Variants in MACROD1 observed in about 807,000 individuals in gnomAD.
MACROD1 encodes the protein ADP-ribose glycohydrolase MACROD1.
MACROD1 carries 31 observed loss-of-function variants against 41.4 expected under a neutral mutation model. The ratio of observed to expected loss-of-function variants is 0.75; its 90% CI spans 0.56 to 1.01. The LOEUF (loss-of-function observed/expected upper bound fraction) is 1.01, where lower values mean the gene tolerates loss of function less well. MACROD1 is among the 50% of genes least tolerant of loss of function. MACROD1 has a pLI of 0.00. For synonymous variants in MACROD1, 252 were observed against 203.4 expected, an observed-to-expected ratio of 1.24 and a Z score of -2.03; for missense variants, 473 against 460.0, an observed-to-expected ratio of 1.03 and a Z score of -0.26.
chr11:64,106,487 A>AG (rs1944765449), intron 3 of MACROD1, among the ~76,000 whole-genome samples: 1 of 152,198 alleles, frequency 6.6e-6, no homozygotes, highest in Non-Finnish European at 1.5e-5. Flanking sequence ...TTACATTCTA[A>AG]GGGGAGGAGA....
chr11:64,039,298 G>A (rs1040740266), intron 3 of MACROD1, among the ~76,000 whole-genome samples: 2 of 152,154 alleles, frequency 1.3e-5, no homozygotes, highest in Admixed American at 1.3e-4. Flanking sequence ...GGACTGCCCC[G>A]GGGGTAGCTT....
chr11:64,146,706 C>T lies in MACROD1; in HGVS notation c.517+4533G>A, dbSNP rs1945500700. Among the ~76,000 whole-genome samples, 1 of 151,924 alleles carries T rather than the reference C, an allele frequency of 6.6e-6. No homozygotes were observed. Among genetic ancestry groups the T allele is most frequent in the African/African-American group, 2.4e-5 (1 of 41,348 alleles). ...CAAACACACATCACACCACACACACCCTCCATCACCCACACCCCATGCATC... is the reference window on the plus strand; with the variant it reads ...CAAACACACATCACACCACACACACTCTCCATCACCCACACCCCATGCATC... On this transcript the variant is annotated intron_variant, in intron 3 of 10. Coordinates refer to ENST00000255681, the MANE Select transcript of MACROD1 (RefSeq NM_014067.4). The surrounding 1 kb of genome is among the most constrained non-coding windows in gnomAD (Gnocchi z 4.7).
At chr11:64,158,433 A>T (rs1015986259) in intron 1 of MACROD1, among the ~76,000 whole-genome samples, 1 of 152,114 alleles carries the variant, frequency 6.6e-6, no homozygotes, top group African/African-American at 2.4e-5. Flanking sequence ...TAGGAGAGAC[A>T]AGGTCTGGAT....
chr11:63,999,381 C>T lies in MACROD1; in HGVS notation c.841G>A (p.Glu281Lys), dbSNP rs1476322447. The T allele has an allele frequency of 1.0e-5, 16 of 1,591,560 alleles. No homozygotes were observed. The highest frequency in any genetic ancestry group is 1.3e-5 in the African/African-American group (1 of 74,780). The change falls in exon 8 of 11, where the codon GAG (glutamate) becomes AAG (lysine). Residue 281 changes from glutamate (E) to lysine (K), a missense_variant. By Grantham distance (56) the Glu-to-Lys change is moderately conservative (BLOSUM62 1). Coordinates refer to ENST00000255681, the MANE Select transcript of MACROD1 (RefSeq NM_014067.4). ...TCTCGCAGCGTGGCCAGCACGATCT[C>T]GGCGGCCGCCTCACAGGGGTAGCCT... ...VFGYPCEAAAEIVLATLREWL... is the reference protein window; with the variant it reads ...VFGYPCEAAAKIVLATLREWL...
chr11:64,143,743 GACACACACATACACACACACACAC>G (rs1410092969), intron 3 of MACROD1, among the ~76,000 whole-genome samples: 2 of 71,484 alleles, frequency 2.8e-5, no homozygotes, highest in Non-Finnish European at 5.1e-5. Context: ...CCCCAACCCC[GACACACACATACACACACACACAC>G]ACACACACAC....
intron 1 of MACROD1, among the ~76,000 whole-genome samples, chr11:64,159,742 C>T (rs1043608788): frequency 6.6e-5 from 10 of 151,872 alleles, no homozygotes; most frequent in African/African-American, 2.4e-4. Flanking sequence ...TGTGGTGAGC[C>T]GAGATTGCGC....
At chr11:64,010,080 AGGGTGTTGGTTG>A (rs1252760765) in intron 4 of MACROD1, among the ~76,000 whole-genome samples, 47 of 8,396 alleles carry the variant, frequency 5.6e-3, no homozygotes, top group South Asian at 0.034. Context: ...GGTGTTGCCC[AGGGTGTTGGTTG>A]GGGTGTTGGT....
intron 1 of MACROD1, among the ~76,000 whole-genome samples, chr11:64,153,289 C>G (rs936249200): frequency 6.6e-6 from 1 of 152,226 alleles, no homozygotes; most frequent in Non-Finnish European, 1.5e-5. Flanking sequence ...CTCAGCCCAG[C>G]CTGGCACCCT....
rs530699212 is a variant in MACROD1, at chr11:64,118,112, C to T, written c.517+33127G>A. The T allele has an allele frequency of 6.0e-5, 96 of 1,611,370 alleles. 1 individual carries two copies. In the South Asian group the frequency reaches 7.3e-4, roughly 12 times the overall value. On this transcript the variant is annotated intron_variant, in intron 3 of 10. Transcript: ENST00000255681. Reference sequence around the variant, plus strand: ...AGGATAACTCCATCCTGGAAATCCGCGGCCCTGGGCTGCAGATGCTGCCCA... The same window carrying T: ...AGGATAACTCCATCCTGGAAATCCGTGGCCCTGGGCTGCAGATGCTGCCCA...
chr11:64,038,256 G>C (rs1943420080), intron 3 of MACROD1, among the ~76,000 whole-genome samples: 1 of 152,226 alleles, frequency 6.6e-6, no homozygotes, highest in African/African-American at 2.4e-5. Flanking sequence ...TGGTGGCTGA[G>C]CCTGTGTCGC....
intron 4 of MACROD1, among the ~76,000 whole-genome samples, chr11:64,005,196 GTTTTTGTAT>G (rs1225946068): frequency 3.9e-5 from 6 of 152,048 alleles, no homozygotes; most frequent in Non-Finnish European, 8.8e-5. Flanking sequence ...TGCCTGGCTA[GTTTTTGTAT>G]TTTTAGTAGA....
chr11:64,128,353 A>G (rs1190126447), intron 3 of MACROD1, among the ~76,000 whole-genome samples: 2 of 152,090 alleles, frequency 1.3e-5, no homozygotes, highest in Non-Finnish European at 2.9e-5. Flanking sequence ...GCCAGCCAGG[A>G]GATATTGACT....
At chr11:64,050,212 G>A (rs1943667158) in intron 3 of MACROD1, among the ~76,000 whole-genome samples, 1 of 152,118 alleles carries the variant, frequency 6.6e-6, no homozygotes, top group South Asian at 2.1e-4. Flanking sequence ...CCAGCCTGGG[G>A]ATGCAGGGAG....
intron 8 of MACROD1, 142 bp downstream of exon 8, chr11:63,999,189 C>T: frequency 3.0e-6 from 4 of 1,353,686 alleles, no homozygotes; most frequent in Non-Finnish European, 4.0e-6. Flanking sequence ...TCGCCACCGC[C>T]AGGCGCCCTT....
chr11:64,138,448 G>A (rs775501087), intron 3 of MACROD1: 121 of 927,326 alleles, frequency 1.3e-4, no homozygotes, highest in Middle Eastern at 5.6e-4. Flanking sequence ...CATTTGCTTC[G>A]TAGATTTTAA....
intron 1 of MACROD1, among the ~76,000 whole-genome samples, chr11:64,153,242 C>T (rs1590974383): frequency 6.6e-6 from 1 of 152,210 alleles, no homozygotes; most frequent in Non-Finnish European, 1.5e-5. Flanking sequence ...CTCACGGGCT[C>T]CCCCTGCTGG....
chr11:64,015,272 G>A lies in MACROD1; in HGVS notation c.527C>T (p.Ser176Phe). Residue 176 changes from serine (S) to phenylalanine (F), a missense_variant, in exon 4 of 11, where the codon TCC (serine) becomes TTC (phenylalanine). Transcript: ENST00000255681. ...CTCACCGCCACCGCCTCCGAGCAGG[G>A]AGCTGTTGGCTGCAAGAGAGAGAGA... ...VDAIVNAANS[S>F]LLGGGGVDGC... 6.2e-7 allele frequency: 1 copy of A among 1,607,190 alleles called. No homozygotes were observed. Among genetic ancestry groups the A allele is most frequent in the Non-Finnish European group, 8.5e-7 (1 of 1,176,924 alleles).
chr11:64,089,873 G>A (rs563231079), intron 3 of MACROD1, among the ~76,000 whole-genome samples: 2 of 152,302 alleles, frequency 1.3e-5, no homozygotes, highest in African/African-American at 4.8e-5. Flanking sequence ...TGCTGGAGTC[G>A]AGACCAGCTC....
At chr11:64,138,608 C>T in intron 3 of MACROD1, 2 of 954,204 alleles carry the variant, frequency 2.1e-6, no homozygotes, top group Non-Finnish European at 2.5e-6. Context: ...GAATGGCTGA[C>T]AGCCGGGCCT....
Sources: gnomAD v4.1 joint callset for allele counts (sites outside exome capture counted in the v4.1 genomes callset) on GRCh38, gnomAD v4.1.1 for gene constraint, Gnocchi (gnomAD v3.1) non-coding constraint, MANE v1.5 for transcripts, NCBI Gene and HGNC (gene_info 2026-07-23, HGNC 2026-07-21) for gene names.